The following SYNE1 variants were observed in gnomAD, a reference collection of about 807,000 sequenced individuals.
The protein encoded by SYNE1 is spectrin repeat containing nuclear envelope protein 1.
Under a neutral mutation model 1,111.0 loss-of-function variants are expected in SYNE1, and 616 were observed. The ratio of observed to expected loss-of-function variants is 0.55; its 90% CI spans 0.52 to 0.59. SYNE1 has a LOEUF of 0.59. SYNE1 is among the 20% of genes least tolerant of loss of function. The pLI is 0.00. For synonymous variants in SYNE1, 3,855 were observed against 3,825.8 expected (o/e 1.01, Z -0.28); for missense variants, 10,006 against 10,417.0 (o/e 0.96, Z 1.72).
chr6:152,376,128 T>G (rs1440186772), intron 58 of SYNE1: 1 of 460,406 alleles, frequency 2.2e-6, no homozygotes, highest in African/African-American at 2.0e-5. Flanking sequence ...CACAGCCTAG[T>G]TCCTCTGTGT....
chr6:152,206,488 T>G lies in SYNE1; in HGVS notation c.22825-126A>C, dbSNP rs577987474. The G allele has an allele frequency of 1.1e-5, 10 of 884,888 alleles. No individual in the cohort carries two copies. The Admixed American group carries it at 1.3e-4, about 12-fold the overall frequency. The allele number at this position is 884,888 out of a possible 1,614,324, so 54.8% of individuals were successfully genotyped here. ...GCAAGCATTTACCGTAGTGGTGCTT[T>G]GCACATGCATGCACCAGTGAATAAA... On this transcript the variant is annotated intron_variant, in intron 125 of 145. Transcript: ENST00000367255.
At chr6:152,397,456 C>G (rs549720) in intron 49 of SYNE1, among the ~76,000 whole-genome samples, 59,483 of 151,904 alleles carry the variant, frequency 0.39, 12,117 homozygotes, top group East Asian at 0.76. Flanking sequence ...AGAGTCCAGG[C>G]CTAGCCCTGC....
Position 152,255,725 on chromosome 6 carries a change from T to C in SYNE1, c.19126A>G (p.Ser6376Gly), listed in dbSNP as rs2090650168. 1.2e-6 allele frequency: 2 copies of C among 1,614,230 alleles called. No individual in the cohort carries two copies. The highest frequency in any genetic ancestry group is 1.7e-6 in the Non-Finnish European group (2 of 1,180,048). The change falls in exon 103 of 146, where the codon AGT (serine) becomes GGT (glycine). Residue 6376 changes from serine to glycine, a missense_variant. Physicochemically the swap from Ser to Gly is moderately conservative, Grantham distance 56 (BLOSUM62 0). Transcript: ENST00000367255. ...SSQSGGAKRQSIHLEQKLYDG... is the reference protein window; with the variant it reads ...SSQSGGAKRQGIHLEQKLYDG... ...TACAACTTCTGCTCCAAGTGTATAC[T>C]CTGCCTCTTTGCCCCTCCACTCTGG...
At chr6:152,604,991 A>AGAAG (rs2099608468) in intron 3 of SYNE1, among the ~76,000 whole-genome samples, 1 of 27,520 alleles carries the variant, frequency 3.6e-5, no homozygotes, top group Admixed American at 4.7e-4. Context: ...AAAGAAAGAA[A>AGAAG]GAAAGAAAGA....
At chr6:152,192,437 TA>T (rs34728197) in intron 127 of SYNE1, among the ~76,000 whole-genome samples, 58,593 of 151,706 alleles carry the variant, frequency 0.39, 11,404 homozygotes, top group African/African-American at 0.45. Flanking sequence ...TGAGCATACA[TA>T]AGTGACAGAA....
At chr6:152,598,929 G>T (rs1171720492) in intron 3 of SYNE1, among the ~76,000 whole-genome samples, 1 of 152,142 alleles carries the variant, frequency 6.6e-6, no homozygotes, top group Non-Finnish European at 1.5e-5. Flanking sequence ...ACAGAGAGAA[G>T]CCTAATAATA....
chr6:152,575,379 T>C (rs2099492138), intron 3 of SYNE1, among the ~76,000 whole-genome samples: 1 of 152,210 alleles, frequency 6.6e-6, no homozygotes, highest in Non-Finnish European at 1.5e-5. Flanking sequence ...TGGAGCTTCC[T>C]GGGTTCTGCA....
Position 152,548,611 on chromosome 6 carries a change from C to T in SYNE1, c.68-8590G>A, listed in dbSNP as rs78963508. 7.8e-3 allele frequency among the ~76,000 whole-genome samples: 1,182 copies of T among 152,314 alleles called. 22 individuals carry two copies. Among genetic ancestry groups the T allele is most frequent in the African/African-American group, 0.027 (1,128 of 41,574 alleles). On this transcript the variant is annotated intron_variant, in intron 3 of 145. Transcript: ENST00000367255. ...TCTGGACAAGATGCAAACGATGCAA[C>T]ACAGGACTTAGAGCTTGATGCCAAA...
At position 152,369,595 on chromosome 6, in the gene SYNE1, T is replaced by C; in HGVS notation, c.9527A>G (p.Lys3176Arg). Reference sequence around the variant, plus strand: ...AGGCTCAGCACTTACTTCAAAGTCCTTCATTTGGATCTTTAGATTCTGCAA... The same window carrying C: ...AGGCTCAGCACTTACTTCAAAGTCCCTCATTTGGATCTTTAGATTCTGCAA... ...SALENLKIQM[K>R]DFEVSAEPIQ... Residue 3176 changes from lysine to arginine, a missense_variant, in exon 60 of 146, where the codon AAG becomes AGG. Transcript: ENST00000367255. The C allele has an allele frequency of 6.2e-7, 1 of 1,614,166 alleles. No individual in the cohort carries two copies. Among genetic ancestry groups the C allele is most frequent in the Non-Finnish European group, 8.5e-7 (1 of 1,180,026 alleles).
intron 72 of SYNE1, among the ~76,000 whole-genome samples, chr6:152,348,311 A>G (rs917975102): frequency 5.9e-5 from 9 of 152,288 alleles, no homozygotes; most frequent in Non-Finnish European, 8.8e-5. Flanking sequence ...GCCTGATTTC[A>G]CCTCACACCA....
In SYNE1 at chr6:152,225,828, C is replaced by T; in HGVS notation, c.21244G>A (p.Glu7082Lys). 6.2e-7 allele frequency: 1 copy of T among 1,613,976 alleles called. No individual in the cohort carries two copies. Among genetic ancestry groups the T allele is most frequent in the Non-Finnish European group, 8.5e-7 (1 of 1,179,962 alleles). ...KAKEKEVEKI[E>K]QNGLALIQNK... is the part of the protein sequence containing the mutation. ...TGAATCAAAGCAAGTCCATTCTGCT[C>T]AATTTTCTCTACTTCTTTTTCTTTT... The change falls in exon 116 of 146, where the codon GAG (glutamate) becomes AAG (lysine). Residue 7082 changes from glutamate (E) to lysine (K), a missense_variant. Physicochemically the swap from Glu to Lys is moderately conservative, Grantham distance 56 (BLOSUM62 1). This residue lies in a region of SYNE1 where 2,182 missense variants were observed against 2,287.8 expected (regional missense o/e 0.95). Coordinates refer to ENST00000367255, the MANE Select transcript of SYNE1 (RefSeq NM_182961.4).
At chr6:152,462,380 G>A in intron 20 of SYNE1, 1 of 351,152 alleles carries the variant, frequency 2.8e-6, no homozygotes, top group Non-Finnish European at 5.1e-6. Flanking sequence ...GAGAGCTGCA[G>A]GCTATTCAAA....
At chr6:152,162,574 C>T (rs139417904) in intron 131 of SYNE1, among the ~76,000 whole-genome samples, 11 of 152,252 alleles carry the variant, frequency 7.2e-5, no homozygotes, top group South Asian at 4.1e-4. Context: ...TCTGGGAAGC[C>T]GGATGCCAAC....
At position 152,289,456 on chromosome 6, in the gene SYNE1, T is replaced by C. The variant is rs1441250648; in HGVS notation, c.18012+4132A>G. On this transcript the variant is annotated intron_variant, in intron 95 of 145. Coordinates refer to ENST00000367255, the MANE Select transcript of SYNE1 (RefSeq NM_182961.4). ...AGCTTGCTCTGTCACCTAGCTGCCATCTCTGCTCACTGTAACCTCCACCTT... is the reference window on the plus strand; with the variant it reads ...AGCTTGCTCTGTCACCTAGCTGCCACCTCTGCTCACTGTAACCTCCACCTT... Among the ~76,000 whole-genome samples the C allele has an allele frequency of 2.0e-5, 3 of 152,192 alleles. No individual in the cohort carries two copies. The East Asian group carries it at 5.8e-4, about 29-fold the overall frequency.
At chr6:152,532,979 G>A (rs572961094) in intron 4 of SYNE1, among the ~76,000 whole-genome samples, 1 of 152,222 alleles carries the variant, frequency 6.6e-6, no homozygotes, top group South Asian at 2.1e-4. Flanking sequence ...ACCCTCCACA[G>A]TATATGTATC....
In SYNE1 at chr6:152,317,267, C is replaced by T. The variant is rs180943222; in HGVS notation, c.16573-281G>A. On this transcript the variant is annotated intron_variant, in intron 86 of 145. Transcript: ENST00000367255. ...TTTTTTTCCAAGGTCTTACTGTCAC[C>T]CCGGCTGGAATGCAGCAGCTGGATC... Among the ~76,000 whole-genome samples the T allele has an allele frequency of 5.3e-5, 8 of 150,360 alleles. No homozygotes were observed. The East Asian group carries it at 1.6e-3, about 29-fold the overall frequency.
At chr6:152,281,351 C>G (rs2094016089) in intron 97 of SYNE1, among the ~76,000 whole-genome samples, 1 of 152,198 alleles carries the variant, frequency 6.6e-6, no homozygotes, top group African/African-American at 2.4e-5. Context: ...GACAGCCTTC[C>G]CATCTTCAGT....
At chr6:152,130,343 G>T (rs779492336) in intron 145 of SYNE1, among the ~76,000 whole-genome samples, 6 of 152,206 alleles carry the variant, frequency 3.9e-5, no homozygotes, top group Non-Finnish European at 8.8e-5. Flanking sequence ...AATGGTAAAA[G>T]AATTCACTGA....
At position 152,224,957 on chromosome 6, in the gene SYNE1, G is replaced by GTATATATATACATATATACATA. The variant is rs1220700858; in HGVS notation, c.21352-294_21352-293insTATGTATATATGTATATATATA. 1.9e-3 allele frequency among the ~76,000 whole-genome samples: 270 copies of GTATATATATACATATATACATA among 143,086 alleles called. 5 individuals are homozygous for GTATATATATACATATATACATA. Among genetic ancestry groups the GTATATATATACATATATACATA allele is most frequent in the South Asian group, 6.8e-3 (31 of 4,558 alleles). 93.9% of individuals were successfully genotyped at this position (143,086 alleles called of 152,430 possible). A position where few individuals can be genotyped will look rare whatever the true frequency, so the allele number is the denominator to read the frequency against. ...TATACATATGTATACACATATATAT[G>GTATATATATACATATATACATA]TGTATATATATATACATATATGTAT... On this transcript the variant is annotated intron_variant, in intron 116 of 145. Transcript: ENST00000367255.
Sources: gnomAD v4.1 joint callset for allele counts (sites outside exome capture counted in the v4.1 genomes callset) on GRCh38, gnomAD v4.1.1 for gene constraint, gnomAD v4.1.1 regional missense constraint, MANE v1.5 for transcripts, NCBI Gene and HGNC (gene_info 2026-07-23, HGNC 2026-07-21) for gene names.